Variants in GID8 observed in about 807,000 individuals in gnomAD.
GID8 encodes the protein GID complex subunit 8 homolog, also known as glucose-induced degradation protein 8 homolog.
GID8 carries 6 observed loss-of-function variants against 27.4 expected under a neutral mutation model. The observed-to-expected ratio is 0.22, with a 90% CI of 0.12 to 0.43. GID8 has a LOEUF of 0.43. GID8 is among the 20% of genes least tolerant of loss of function. The pLI, the probability that GID8 is intolerant of heterozygous loss-of-function variation, is 1.00. For synonymous variants in GID8, 112 were observed against 109.0 expected (o/e 1.03, Z -0.17); for missense variants, 173 against 287.6 (o/e 0.60, Z 2.88).
Position 62,945,198 on chromosome 20 carries a change from G to A in GID8, c.*286G>A, listed in dbSNP as rs545823576. On this transcript the variant is annotated 3_prime_UTR_variant, in exon 5 of 5. Coordinates refer to ENST00000266069, the MANE Select transcript of GID8 (RefSeq NM_017896.3). ...GCTCTTCCAGTGTTCGGGGGCCTCTGGCTGCTGAAGGATTCGGTCTACCAC... is the reference window on the plus strand; with the variant it reads ...GCTCTTCCAGTGTTCGGGGGCCTCTAGCTGCTGAAGGATTCGGTCTACCAC... 2.5e-5 allele frequency: 29 copies of A among 1,177,958 alleles called. No individual in the cohort carries two copies. In the East Asian group the frequency reaches 2.6e-4, roughly 11 times the overall value. 73.0% of individuals were successfully genotyped at this position (1,177,958 alleles called of 1,614,324 possible).
chr20:62,941,013 C>T (rs1260345913), intron 1 of GID8, among the ~76,000 whole-genome samples: 3 of 152,198 alleles, frequency 2.0e-5, no homozygotes, highest in African/African-American at 7.2e-5. Context: ...TTCTGAATTC[C>T]AAAACCCATC....
At chr20:62,938,736 C>T (rs1200037737) in intron 1 of GID8, 5 of 152,222 alleles carry the variant, frequency 3.3e-5, no homozygotes, top group Admixed American at 2.6e-4. Flanking sequence ...CTGGCCAGTT[C>T]TACAAAGTTG....
rs1439942776 is a variant in GID8, at chr20:62,947,297, T to A, written c.*2385T>A. 6.6e-6 allele frequency: 1 copy of A among 152,274 alleles called. No individual in the cohort carries two copies. The highest frequency in any genetic ancestry group is 1.5e-5 in the Non-Finnish European group (1 of 68,050). The allele number at this position is 152,274 out of a possible 1,614,324, so 9.4% of individuals were successfully genotyped here. On this transcript the variant is annotated 3_prime_UTR_variant, in exon 5 of 5. Coordinates refer to ENST00000266069, the MANE Select transcript of GID8 (RefSeq NM_017896.3). Reference sequence around the variant, plus strand: ...ACTTGCTTTTCTTGTGATCTGTTAGTGGACGAGGTCTTCCAAGGAAGTGCT... The same window carrying A: ...ACTTGCTTTTCTTGTGATCTGTTAGAGGACGAGGTCTTCCAAGGAAGTGCT...
Position 62,946,909 on chromosome 20 carries a change from T to C in GID8, c.*1997T>C, listed in dbSNP as rs1359114760. The C allele has an allele frequency of 1.3e-5, 2 of 152,284 alleles. No homozygotes were observed. Among genetic ancestry groups the C allele is most frequent in the Non-Finnish European group, 2.9e-5 (2 of 68,054 alleles). The allele number at this position is 152,284 out of a possible 1,614,324, so 9.4% of individuals were successfully genotyped here. ...CACTATTCGTGTATATAAGATCGTT[T>C]ACTTGCATAATATATCATCAATTTG... is the stretch of plus-strand genomic sequence containing the variant. On this transcript the variant is annotated 3_prime_UTR_variant, in exon 5 of 5. Coordinates refer to ENST00000266069, the MANE Select transcript of GID8 (RefSeq NM_017896.3).
chr20:62,941,733 T>C (rs1261854586), intron 2 of GID8, 113 bp downstream of exon 2: 1 of 721,102 alleles, frequency 1.4e-6, no homozygotes, highest in Admixed American at 1.9e-5. Context: ...GTTCAGACAT[T>C]ATGAAAACAC....
Position 62,943,805 on chromosome 20 carries a change from G to C in GID8, c.513+113G>C, listed in dbSNP as rs565514056. 2.6e-6 allele frequency: 2 copies of C among 755,010 alleles called. No homozygotes were observed. Among genetic ancestry groups the C allele is most frequent in the South Asian group, 1.7e-5 (1 of 59,668 alleles). 46.8% of individuals were successfully genotyped at this position (755,010 alleles called of 1,614,324 possible). ...GTGGACTGAGAGACAGGTGGCTTCT[G>C]TGCCTGGGATGCTAAGTGGTTCCTT... On this transcript the variant is annotated intron_variant, in intron 4 of 4. Transcript: ENST00000266069. This position sits in a 1 kb window ranked among gnomAD's most constrained non-coding sequence, Gnocchi z 4.7.
rs184432335 is a variant in GID8 at position 62,943,457 on chromosome 20, G to A, written c.316-38G>A. ...CCACCTGCCCTAAGTCCCTGGCCTG[G>A]GTGTGTGGGGGTCAAGCTTGTCTGT... On this transcript the variant is annotated intron_variant, in intron 3 of 4. Coordinates refer to ENST00000266069, the MANE Select transcript of GID8 (RefSeq NM_017896.3). The surrounding 1 kb of genome is among the most constrained non-coding windows in gnomAD (Gnocchi z 4.7). 1.3e-6 allele frequency: 2 copies of A among 1,588,864 alleles called. No homozygotes were observed. Among genetic ancestry groups the A allele is most frequent in the Non-Finnish European group, 1.7e-6 (2 of 1,159,646 alleles).
Position 62,938,158 on chromosome 20 carries a change from C to A in GID8, c.-108C>A. 1 of 266,710 alleles carries A rather than the reference C, an allele frequency of 3.7e-6. No individual in the cohort carries two copies. The highest frequency in any genetic ancestry group is 7.1e-6 in the Non-Finnish European group (1 of 141,598). 16.5% of individuals were successfully genotyped at this position (266,710 alleles called of 1,614,324 possible). The stretch of plus-strand genomic sequence containing the variant: ...GCCCCCACCTCTGCCTCCTTCTACT[C>A]GGGCGCCCCGGCGGCCGCCACCTCT... On this transcript the variant is annotated 5_prime_UTR_variant, in exon 1 of 5. Coordinates refer to ENST00000266069, the MANE Select transcript of GID8 (RefSeq NM_017896.3).
At chr20:62,944,206 T>C (rs1223351786) in intron 4 of GID8, among the ~76,000 whole-genome samples, 1 of 152,220 alleles carries the variant, frequency 6.6e-6, no homozygotes, top group Non-Finnish European at 1.5e-5. Context: ...TCACACCCTT[T>C]GCTGGTGTCT....
chr20:62,943,485 C>G lies in GID8; in HGVS notation c.316-10C>G, dbSNP rs878906556. The G allele has an allele frequency of 1.9e-6, 3 of 1,611,296 alleles. No individual in the cohort carries two copies. Among genetic ancestry groups the G allele is most frequent in the Admixed American group, 1.7e-5 (1 of 60,006 alleles). On this transcript the variant is annotated splice_polypyrimidine_tract_variant and intron_variant, in intron 3 of 4. Coordinates refer to ENST00000266069, the MANE Select transcript of GID8 (RefSeq NM_017896.3). This position sits in a 1 kb window ranked among gnomAD's most constrained non-coding sequence, Gnocchi z 4.7. ...GTGTGGGGGTCAAGCTTGTCTGTCT[C>G]TGCCTCCAGCAACAGCATTTGATCG...
chr20:62,945,169 G>A lies in GID8; in HGVS notation c.*257G>A, dbSNP rs1304985477. 4.0e-6 allele frequency: 5 copies of A among 1,260,320 alleles called. No individual in the cohort carries two copies. The highest frequency in any genetic ancestry group is 3.6e-5 in the Admixed American group (1 of 27,426). The allele number at this position is 1,260,320 out of a possible 1,614,324, so 78.1% of individuals were successfully genotyped here. A position where few individuals can be genotyped will look rare whatever the true frequency, so the allele number is the denominator to read the frequency against. ...TCGCTGAAGAATCTGGAAGGTTGCG[G>A]TTTGCTCTTCCAGTGTTCGGGGGCC... On this transcript the variant is annotated 3_prime_UTR_variant, in exon 5 of 5. Transcript: ENST00000266069.
At position 62,943,767 on chromosome 20, in the gene GID8, G is replaced by A. The variant is rs574352455; in HGVS notation, c.513+75G>A. 2 of 1,166,686 alleles carry A rather than the reference G, an allele frequency of 1.7e-6. No individual in the cohort carries two copies. The highest frequency in any genetic ancestry group is 2.6e-5 in the South Asian group (2 of 77,740). The allele number at this position is 1,166,686 out of a possible 1,614,324, so 72.3% of individuals were successfully genotyped here. A position where few individuals can be genotyped will look rare whatever the true frequency, so the allele number is the denominator to read the frequency against. Reference sequence around the variant, plus strand: ...GGGGCTTCGTGACAACGCCAAGTGTGTGGCTTTGCTGTGTGGACTGAGAGA... The same window carrying A: ...GGGGCTTCGTGACAACGCCAAGTGTATGGCTTTGCTGTGTGGACTGAGAGA... On this transcript the variant is annotated intron_variant, in intron 4 of 4. Transcript: ENST00000266069. This position sits in a 1 kb window ranked among gnomAD's most constrained non-coding sequence, Gnocchi z 4.7.
intron 2 of GID8, among the ~76,000 whole-genome samples, chr20:62,942,123 G>A (rs1601070744): frequency 6.6e-6 from 1 of 152,184 alleles, no homozygotes; most frequent in South Asian, 2.1e-4. Flanking sequence ...TCTCCCTCCT[G>A]TTAGTCCCCA....
In GID8 at chr20:62,944,900, G is replaced by A; in HGVS notation, c.675G>A (p.Glu225=). 1 of 1,612,312 alleles carries A rather than the reference G, an allele frequency of 6.2e-7. No individual in the cohort carries two copies. Among genetic ancestry groups the A allele is most frequent in the Non-Finnish European group, 8.5e-7 (1 of 1,178,984 alleles). The change falls in exon 5 of 5, where the codon GAG becomes GAA. Residue 225 remains glutamate (E), a synonymous_variant. Transcript: ENST00000266069. The stretch of plus-strand genomic sequence containing the variant: ...CAGACCTCAGCAAGGGTGTGATTGA[G>A]GAGCCCAAGTAGCGCCTGCGCTTGC... ...KMTDLSKGVI[E]EPK
In GID8 at chr20:62,943,526, G is replaced by A. The variant is rs752347409; in HGVS notation, c.347G>A (p.Arg116Gln). ...QQHLIELIRQRETEAALEFAQ... is the reference protein window; with the variant it reads ...QQHLIELIRQQETEAALEFAQ... ...CATTTGATCGAGCTGATCCGCCAGC[G>A]GGAGACAGAGGCGGCGCTGGAGTTT... The change falls in exon 4 of 5, where the codon CGG (arginine) becomes CAG (glutamine). Residue 116 changes from arginine to glutamine, a missense_variant. Physicochemically the swap from Arg to Gln is conservative, Grantham distance 43. Coordinates refer to ENST00000266069, the MANE Select transcript of GID8 (RefSeq NM_017896.3). The surrounding 1 kb of genome is among the most constrained non-coding windows in gnomAD (Gnocchi z 4.7). 1.6e-5 allele frequency: 25 copies of A among 1,612,798 alleles called. No homozygotes were observed. Among genetic ancestry groups the A allele is most frequent in the East Asian group, 4.5e-5 (2 of 44,874 alleles).
At chr20:62,938,661 G>A (rs1014426972) in intron 1 of GID8, 1 of 152,298 alleles carries the variant, frequency 6.6e-6, no homozygotes, top group Non-Finnish European at 1.5e-5. Flanking sequence ...GCACACGGGT[G>A]TTTTCTTCTG....
At position 62,941,626 on chromosome 20, in the gene GID8, G is replaced by A. The variant is rs772086783; in HGVS notation, c.118+6G>A. On this transcript the variant is annotated splice_donor_region_variant and intron_variant, in intron 2 of 4. Coordinates refer to ENST00000266069, the MANE Select transcript of GID8 (RefSeq NM_017896.3). Reference sequence around the variant, plus strand: ...CATGAACTACCTGGTCACAGGTAATGGCTTACAGTGAGGATGCTGTTGCAT... The same window carrying A: ...CATGAACTACCTGGTCACAGGTAATAGCTTACAGTGAGGATGCTGTTGCAT... 1 of 1,410,722 alleles carries A rather than the reference G, an allele frequency of 7.1e-7. No individual in the cohort carries two copies. The highest frequency in any genetic ancestry group is 1.1e-5 in the South Asian group (1 of 87,060). The allele number at this position is 1,410,722 out of a possible 1,614,324, so 87.4% of individuals were successfully genotyped here.
Position 62,945,679 on chromosome 20 carries a change from C to A in GID8, c.*767C>A. On this transcript the variant is annotated 3_prime_UTR_variant, in exon 5 of 5. Coordinates refer to ENST00000266069, the MANE Select transcript of GID8 (RefSeq NM_017896.3). ...AAAGATGTTAATCATCTCAAATGAC[C>A]TTTTGTCTTTGGGGCGTTCTTCCCC... 2 of 1,183,276 alleles carry A rather than the reference C, an allele frequency of 1.7e-6. No individual in the cohort carries two copies. The highest frequency in any genetic ancestry group is 1.6e-5 in the South Asian group (1 of 64,366). The allele number at this position is 1,183,276 out of a possible 1,614,324, so 73.3% of individuals were successfully genotyped here. A position where few individuals can be genotyped will look rare whatever the true frequency, so the allele number is the denominator to read the frequency against.
chr20:62,939,038 A>C (rs2065424001), intron 1 of GID8, among the ~76,000 whole-genome samples: 1 of 151,986 alleles, frequency 6.6e-6, no homozygotes, highest in South Asian at 2.1e-4. Context: ...GGATCGCTTG[A>C]GCCCAGGAGG....
Sources: allele counts gnomAD v4.1 joint callset (sites outside exome capture counted in the v4.1 genomes callset), GRCh38; gene constraint gnomAD v4.1.1; non-coding constraint Gnocchi (gnomAD v3.1); transcripts MANE v1.5; gene names NCBI Gene and HGNC (gene_info 2026-07-23, HGNC 2026-07-21).